Variants in RNF38 observed in about 807,000 individuals in gnomAD.
RNF38 encodes ring finger protein 38.
RNF38 carries 15 observed loss-of-function variants against 67.2 expected under a neutral mutation model. The observed-to-expected ratio is 0.22, with a 90% CI of 0.15 to 0.34. The LOEUF (loss-of-function observed/expected upper bound fraction) is 0.34, where lower values mean the gene tolerates loss of function less well. Among genes scored for constraint, RNF38 ranks in the 10% least tolerant of loss-of-function variants. The pLI, the probability that RNF38 is intolerant of heterozygous loss-of-function variation, is 1.00. For synonymous variants in RNF38, 220 were observed against 218.8 expected, an observed-to-expected ratio of 1.01 and a Z score of -0.05; for missense variants, 524 against 639.9, an observed-to-expected ratio of 0.82 and a Z score of 1.95.
intron 1 of RNF38, among the ~76,000 whole-genome samples, chr9:36,473,466 T>C (rs1175254616): frequency 6.6e-6 from 1 of 152,058 alleles, no homozygotes; most frequent in East Asian, 1.9e-4. Context: ...TGCGCACCTG[T>C]AATCCCAGCT....
chr9:36,462,242 T>C (rs1424595466), intron 1 of RNF38, among the ~76,000 whole-genome samples: 1 of 152,010 alleles, frequency 6.6e-6, no homozygotes, highest in Non-Finnish European at 1.5e-5. Context: ...GGCTGAAGGG[T>C]GACTGACTAT....
intron 1 of RNF38, among the ~76,000 whole-genome samples, chr9:36,392,567 A>C (rs1837191699): frequency 6.6e-6 from 1 of 152,080 alleles, no homozygotes; most frequent in African/African-American, 2.4e-5. Flanking sequence ...AGAAAACCCC[A>C]TCTCTACTCA....
intron 11 of RNF38, among the ~76,000 whole-genome samples, chr9:36,341,998 G>GCTA (rs1832891045): frequency 6.6e-6 from 1 of 152,066 alleles, no homozygotes; most frequent in South Asian, 2.1e-4. Flanking sequence ...TTTTCTCCAT[G>GCTA]CTAACCTCTG....
intron 1 of RNF38, among the ~76,000 whole-genome samples, chr9:36,433,152 G>C (rs981585355): frequency 6.6e-6 from 1 of 151,490 alleles, no homozygotes; most frequent in African/African-American, 2.4e-5. Flanking sequence ...GGGGCTGGGT[G>C]GGGGAAGTAA....
chr9:36,352,026 G>A (rs186867816), intron 8 of RNF38, among the ~76,000 whole-genome samples: 352 of 152,236 alleles, frequency 2.3e-3, no homozygotes, highest in African/African-American at 7.9e-3. Flanking sequence ...CTGGCAGGGC[G>A]CAGTGGCTCA....
At chr9:36,388,013 G>C (rs1403770956) in intron 2 of RNF38, among the ~76,000 whole-genome samples, 1 of 152,160 alleles carries the variant, frequency 6.6e-6, no homozygotes, top group Non-Finnish European at 1.5e-5. Flanking sequence ...AGATACACTA[G>C]TAGGGATGAA....
At chr9:36,391,895 G>A (rs1252110108) in intron 1 of RNF38, among the ~76,000 whole-genome samples, 1 of 152,164 alleles carries the variant, frequency 6.6e-6, no homozygotes, top group Non-Finnish European at 1.5e-5. Context: ...TTACAGGCGT[G>A]AGCCACTGCG....
intron 2 of RNF38, among the ~76,000 whole-genome samples, chr9:36,416,254 T>C (rs1022059243): frequency 4.0e-5 from 6 of 151,214 alleles, no homozygotes; most frequent in Non-Finnish European, 8.8e-5. Context: ...CCAATAAAAT[T>C]GTATTCCCTG....
intron 10 of RNF38, 122 bp downstream of exon 10, chr9:36,344,707 ACTC>A (rs1833094329): frequency 2.4e-6 from 2 of 833,284 alleles, no homozygotes; most frequent in East Asian, 5.3e-5. Flanking sequence ...GTTATCTCTG[ACTC>A]CTAAGCATTT....
intron 1 of RNF38, among the ~76,000 whole-genome samples, chr9:36,434,695 T>G (rs1464277293): frequency 6.6e-6 from 1 of 152,196 alleles, no homozygotes; most frequent in Non-Finnish European, 1.5e-5. Flanking sequence ...AGCCTACATG[T>G]AACTTTTAAA....
chr9:36,447,803 G>A (rs1839344075), intron 1 of RNF38, among the ~76,000 whole-genome samples: 1 of 152,216 alleles, frequency 6.6e-6, no homozygotes, highest in African/African-American at 2.4e-5. Flanking sequence ...GAGGAAGCTT[G>A]AGATTTTAAC....
At chr9:36,395,240 T>C (rs958096815) in intron 1 of RNF38, among the ~76,000 whole-genome samples, 2 of 152,198 alleles carry the variant, frequency 1.3e-5, no homozygotes, top group African/African-American at 2.4e-5. Flanking sequence ...TTAGTAATTA[T>C]CGCACTAAAA....
At chr9:36,388,972 T>C (rs534998259) in intron 2 of RNF38, among the ~76,000 whole-genome samples, 8 of 152,110 alleles carry the variant, frequency 5.3e-5, no homozygotes, top group African/African-American at 9.6e-5. Flanking sequence ...TTAAAAGATA[T>C]CAACTAGCTG....
intron 4 of RNF38, among the ~76,000 whole-genome samples, chr9:36,362,405 T>C (rs117403062): frequency 7.8e-4 from 118 of 150,966 alleles, no homozygotes; most frequent in Admixed American, 1.5e-3. Flanking sequence ...AGAAACTTCA[T>C]TGTAAAATAC....
chr9:36,420,576 GC>G (rs979971920), intron 2 of RNF38, among the ~76,000 whole-genome samples: 1 of 143,414 alleles, frequency 7.0e-6, no homozygotes, highest in Admixed American at 7.1e-5. Flanking sequence ...GTACTTCTAT[GC>G]CCCCTTCCCT....
chr9:36,348,682 T>C (rs963120393), intron 9 of RNF38, among the ~76,000 whole-genome samples: 9 of 152,190 alleles, frequency 5.9e-5, no homozygotes, highest in African/African-American at 1.7e-4. Flanking sequence ...GTGAGGAAGC[T>C]GCAGAAGAAA....
chr9:36,483,353 T>C lies in RNF38; in HGVS notation n.241+3955A>G, dbSNP rs553148632. ...GTGAGCCGAGATTGCGCCACTGCAC[T>C]CCAGCCTGGGCAACAAGAGCGAAAC... On this transcript the variant is annotated intron_variant and non_coding_transcript_variant, in intron 1 of 3. Transcript: ENST00000488058. Among the ~76,000 whole-genome samples, 17 of 151,366 alleles carry C rather than the reference T, an allele frequency of 1.1e-4. No homozygotes were observed. The East Asian group carries it at 3.3e-3, about 29-fold the overall frequency.
chr9:36,376,300 T>C (rs1185269203), intron 2 of RNF38, among the ~76,000 whole-genome samples, 173 bp from the exon 3 acceptor site: 2 of 152,042 alleles, frequency 1.3e-5, no homozygotes, highest in Admixed American at 1.3e-4. Context: ...TGGGATGGGG[T>C]AGAACAGGGG....
At chr9:36,358,965 C>T (rs904632844) in intron 4 of RNF38, among the ~76,000 whole-genome samples, 4 of 152,066 alleles carry the variant, frequency 2.6e-5, no homozygotes, top group Non-Finnish European at 2.9e-5. Flanking sequence ...GAGCTGAGAT[C>T]GCGCCATTGC....
Sources: gnomAD v4.1 joint callset for allele counts (sites outside exome capture counted in the v4.1 genomes callset) on GRCh38, gnomAD v4.1.1 for gene constraint, MANE v1.5 for transcripts, NCBI Gene and HGNC (gene_info 2026-07-23, HGNC 2026-07-21) for gene names.